SYN3: variants seen among roughly 807,000 people sequenced by gnomAD.
SYN3 encodes synapsin III.
In SYN3, 35 loss-of-function variants were observed where a neutral mutation model predicts 65.8. That is an observed-to-expected ratio of 0.53 (90% CI 0.41 to 0.70). SYN3 has a LOEUF of 0.70. Ranked by LOEUF, SYN3 falls within the 30% of genes least tolerant of loss-of-function variation. The pLI is 0.00. For synonymous variants in SYN3, 270 were observed against 292.9 expected (o/e 0.92, Z 0.80); for missense variants, 680 against 749.0 (o/e 0.91, Z 1.08).
chr22:32,681,456 C>T (rs1365970828), intron 6 of SYN3, among the ~76,000 whole-genome samples: 1 of 152,322 alleles, frequency 6.6e-6, no homozygotes, highest in East Asian at 1.9e-4. Flanking sequence ...CTTTCACCTA[C>T]ATGTCCTCTA....
intron 6 of SYN3, among the ~76,000 whole-genome samples, chr22:32,599,825 C>T (rs2059256487): frequency 6.6e-6 from 1 of 152,132 alleles, no homozygotes; most frequent in South Asian, 2.1e-4. Flanking sequence ...TTGGGGCACA[C>T]CAAAGGTTGA....
chr22:32,656,019 G>A (rs1039894612), intron 6 of SYN3, among the ~76,000 whole-genome samples: 1 of 152,106 alleles, frequency 6.6e-6, no homozygotes, highest in Non-Finnish European at 1.5e-5. Flanking sequence ...GTAAAACAGG[G>A]GTGCAGGATT....
At chr22:32,961,612 G>A (rs571738050) in intron 3 of SYN3, among the ~76,000 whole-genome samples, 8 of 152,332 alleles carry the variant, frequency 5.3e-5, no homozygotes, top group Admixed American at 2.0e-4. Context: ...TGTGAGAACT[G>A]CAAGTTCTTT....
chr22:32,990,395 TCCATCCATCCAG>T (rs1406739360), intron 2 of SYN3, among the ~76,000 whole-genome samples: 39 of 102,244 alleles, frequency 3.8e-4, no homozygotes, highest in African/African-American at 1.1e-3. Context: ...CACCCATCCA[TCCATCCATCCAG>T]CCATCCATCC....
At chr22:32,586,659 T>C (rs1385037159) in intron 7 of SYN3, among the ~76,000 whole-genome samples, 4 of 152,146 alleles carry the variant, frequency 2.6e-5, no homozygotes, top group Non-Finnish European at 5.9e-5. Context: ...GTTATCTTAT[T>C]TGACTCAAAT....
chr22:32,862,925 T>C (rs2048586213), intron 6 of SYN3: 2 of 152,670 alleles, frequency 1.3e-5, no homozygotes, highest in Non-Finnish European at 2.9e-5. Flanking sequence ...TTTTCCTCCA[T>C]GTTATTTATG....
At chr22:32,733,319 G>A (rs1026200617) in intron 6 of SYN3, among the ~76,000 whole-genome samples, 2 of 152,228 alleles carry the variant, frequency 1.3e-5, no homozygotes, top group Non-Finnish European at 2.9e-5. Context: ...CAATTATGAT[G>A]ATGCATAGAT....
At chr22:32,879,012 A>G (rs1185027311) in intron 4 of SYN3, among the ~76,000 whole-genome samples, 1 of 152,142 alleles carries the variant, frequency 6.6e-6, no homozygotes, top group Non-Finnish European at 1.5e-5. Flanking sequence ...AAATTTTTGA[A>G]AATCACTATA....
At chr22:32,796,789 G>A (rs1290296095) in intron 6 of SYN3, among the ~76,000 whole-genome samples, 1 of 152,178 alleles carries the variant, frequency 6.6e-6, no homozygotes, top group East Asian at 1.9e-4. Flanking sequence ...AGAAATGACA[G>A]TACCTTCTCC....
chr22:33,035,181 T>G (rs192992686), intron 1 of SYN3, among the ~76,000 whole-genome samples: 1 of 152,276 alleles, frequency 6.6e-6, no homozygotes, highest in Admixed American at 6.5e-5. Context: ...GTAACAATGA[T>G]AATGATGACG....
rs553753179 is a variant in SYN3, at chr22:32,987,891, A to T, written c.312-7189T>A. ...GCTTACATGCTTATTGAAAAGACAA[A>T]AAATAAATAAATAAACAGATAAAAA... is the stretch of plus-strand genomic sequence containing the variant. On this transcript the variant is annotated intron_variant, in intron 2 of 13. Transcript: ENST00000358763. Among the ~76,000 whole-genome samples, 25 of 152,356 alleles carry T rather than the reference A, an allele frequency of 1.6e-4. No individual in the cohort carries two copies. The South Asian group carries it at 5.2e-3, about 32-fold the overall frequency.
chr22:32,527,906 C>G lies in SYN3; in HGVS notation c.1318+12G>C. ...TGCATGCTTTCTTGCAGTGGCTCGT[C>G]CTGGGTCATACCTTGCGGAGGTGGG... On this transcript the variant is annotated intron_variant, in intron 12 of 13. Coordinates refer to ENST00000358763, the MANE Select transcript of SYN3 (RefSeq NM_003490.4). 6.3e-7 allele frequency: 1 copy of G among 1,581,038 alleles called. No homozygotes were observed. The highest frequency in any genetic ancestry group is 2.3e-5 in the East Asian group (1 of 43,026).
intron 6 of SYN3, among the ~76,000 whole-genome samples, chr22:32,786,046 A>G (rs1432453549): frequency 6.6e-6 from 1 of 152,162 alleles, no homozygotes; most frequent in Non-Finnish European, 1.5e-5. Context: ...TTCTAGCAAG[A>G]TACAATCCCA....
chr22:32,700,570 C>T (rs772754831), intron 6 of SYN3, among the ~76,000 whole-genome samples: 7 of 152,208 alleles, frequency 4.6e-5, no homozygotes, highest in Non-Finnish European at 1.0e-4. Context: ...TCCCCAACAG[C>T]TATTGTCCCT....
chr22:33,053,600 T>G (rs894443884), intron 1 of SYN3, among the ~76,000 whole-genome samples: 3 of 152,176 alleles, frequency 2.0e-5, no homozygotes, highest in African/African-American at 7.2e-5. Flanking sequence ...AGTTGGAGAA[T>G]GCCAGGAACC....
At chr22:32,555,160 G>A (rs868454298) in intron 7 of SYN3, among the ~76,000 whole-genome samples, 18 of 152,116 alleles carry the variant, frequency 1.2e-4, no homozygotes, top group African/African-American at 2.9e-4. Flanking sequence ...AGTCTAGGCC[G>A]AGGAAAAAAG....
intron 7 of SYN3, among the ~76,000 whole-genome samples, chr22:32,596,223 G>A (rs1456726481): frequency 2.6e-5 from 4 of 152,292 alleles, no homozygotes; most frequent in African/African-American, 9.6e-5. Flanking sequence ...TACAGCCTGT[G>A]GAGCCACAGC....
At chr22:32,785,741 A>G (rs1444963817) in intron 6 of SYN3, among the ~76,000 whole-genome samples, 2 of 152,086 alleles carry the variant, frequency 1.3e-5, no homozygotes, top group Non-Finnish European at 2.9e-5. Context: ...TATCATCTTC[A>G]TTGCACTCAT....
chr22:32,891,757 G>A (rs1230546836), intron 4 of SYN3, among the ~76,000 whole-genome samples: 4 of 151,980 alleles, frequency 2.6e-5, no homozygotes, highest in African/African-American at 9.7e-5. Context: ...ACATACTTCC[G>A]TATAACTCAT....
Sources: allele counts gnomAD v4.1 joint callset (sites outside exome capture counted in the v4.1 genomes callset), GRCh38; gene constraint gnomAD v4.1.1; transcripts MANE v1.5; gene names NCBI Gene and HGNC (gene_info 2026-07-23, HGNC 2026-07-21).